Variants in MGAT4C observed in about 807,000 individuals in gnomAD.
MGAT4C encodes alpha-1,3-mannosyl-glycoprotein 4-beta-N-acetylglucosaminyltransferase C.
Under a neutral mutation model 40.1 loss-of-function variants are expected in MGAT4C, and 19 were observed. The observed-to-expected ratio is 0.47, with a 90% CI of 0.33 to 0.70. MGAT4C has a LOEUF of 0.70. Among genes scored for constraint, MGAT4C ranks in the 30% least tolerant of loss-of-function variants. The pLI, the probability that MGAT4C is intolerant of heterozygous loss-of-function variation, is 0.02. For synonymous variants in MGAT4C, 181 were observed against 187.1 expected (o/e 0.97, Z 0.27); for missense variants, 491 against 563.2 (o/e 0.87, Z 1.30).
intron 4 of MGAT4C, among the ~76,000 whole-genome samples, chr12:86,329,260 T>G (rs996558946): frequency 1.3e-5 from 2 of 150,214 alleles, no homozygotes; most frequent in African/African-American, 4.9e-5. Flanking sequence ...ATAGAAAAAT[T>G]TGGCCGGGCG....
At chr12:86,227,798 T>C (rs1951154655) in intron 1 of MGAT4C, among the ~76,000 whole-genome samples, 1 of 151,996 alleles carries the variant, frequency 6.6e-6, no homozygotes, top group Middle Eastern at 3.4e-3. Flanking sequence ...TTTGTGTCTA[T>C]GATGGCAGAA....
At chr12:86,802,870 C>T (rs1952259402) in intron 1 of MGAT4C, among the ~76,000 whole-genome samples, 1 of 141,934 alleles carries the variant, frequency 7.0e-6, no homozygotes, top group Non-Finnish European at 1.5e-5. Flanking sequence ...ATGCCATCCC[C>T]ATCAAGCTAC....
intron 4 of MGAT4C, among the ~76,000 whole-genome samples, chr12:86,295,105 A>G (rs1953628431): frequency 6.6e-6 from 1 of 152,092 alleles, no homozygotes; most frequent in Non-Finnish European, 1.5e-5. Flanking sequence ...AAATCCCTTA[A>G]CTACTTATTA....
intron 1 of MGAT4C, among the ~76,000 whole-genome samples, chr12:86,781,142 TATA>T (rs1951833753): frequency 6.6e-6 from 1 of 152,120 alleles, no homozygotes; most frequent in African/African-American, 2.4e-5. Context: ...TTTTTTTATA[TATA>T]ATAATTGATT....
chr12:86,339,555 G>A (rs1224354584), intron 3 of MGAT4C, among the ~76,000 whole-genome samples: 7 of 152,016 alleles, frequency 4.6e-5, no homozygotes, highest in African/African-American at 7.2e-5. Flanking sequence ...TCTTCTAAAT[G>A]TCTTTGTATT....
chr12:86,775,120 CA>C (rs1951729493), intron 1 of MGAT4C, among the ~76,000 whole-genome samples: 1 of 152,256 alleles, frequency 6.6e-6, no homozygotes, highest in African/African-American at 2.4e-5. Context: ...ATAGACATTG[CA>C]ACTGATTGTT....
intron 2 of MGAT4C, among the ~76,000 whole-genome samples, chr12:86,611,057 G>A (rs1320610636): frequency 1.3e-5 from 2 of 151,626 alleles, no homozygotes; most frequent in African/African-American, 2.4e-5. Flanking sequence ...GTATAGTCTC[G>A]GTGTGAACAT....
chr12:86,639,447 CA>C (rs765567773), intron 2 of MGAT4C, among the ~76,000 whole-genome samples: 3 of 151,546 alleles, frequency 2.0e-5, no homozygotes, highest in Non-Finnish European at 3.0e-5. Flanking sequence ...GCCTGAATTA[CA>C]AGGTAAATTT....
intron 1 of MGAT4C, among the ~76,000 whole-genome samples, chr12:86,746,399 A>G (rs1407574803): frequency 6.6e-6 from 1 of 151,532 alleles, no homozygotes; most frequent in Admixed American, 6.6e-5. Flanking sequence ...TCAGGAGACC[A>G]CAAGTATAAT....
At chr12:86,680,703 T>C (rs937112415) in intron 2 of MGAT4C, among the ~76,000 whole-genome samples, 14 of 152,182 alleles carry the variant, frequency 9.2e-5, no homozygotes, top group Admixed American at 7.2e-4. Context: ...TGGAAGAAAT[T>C]GCATTCCTTG....
At chr12:86,702,185 C>T (rs1374276064) in intron 2 of MGAT4C, among the ~76,000 whole-genome samples, 1 of 151,114 alleles carries the variant, frequency 6.6e-6, no homozygotes, top group Non-Finnish European at 1.5e-5. Flanking sequence ...CAAGTGCATG[C>T]CACCACACCC....
At chr12:86,776,341 G>A (rs1173538803) in intron 1 of MGAT4C, among the ~76,000 whole-genome samples, 1 of 151,964 alleles carries the variant, frequency 6.6e-6, no homozygotes, top group Non-Finnish European at 1.5e-5. Flanking sequence ...AAAACTTAAA[G>A]ATGAATTAGA....
chr12:86,134,486 C>T (rs560716369), intron 1 of MGAT4C, among the ~76,000 whole-genome samples: 37 of 151,978 alleles, frequency 2.4e-4, no homozygotes, highest in Non-Finnish European at 2.8e-4. Flanking sequence ...AATTTAAGGA[C>T]CACCCTTCAT....
At chr12:86,070,634 G>C (rs888320602) in intron 1 of MGAT4C, among the ~76,000 whole-genome samples, 2 of 151,992 alleles carry the variant, frequency 1.3e-5, no homozygotes, top group African/African-American at 4.8e-5. Flanking sequence ...TATTTTTAAT[G>C]AGCTGGGATT....
intron 1 of MGAT4C, among the ~76,000 whole-genome samples, chr12:86,063,869 C>T (rs1310761224): frequency 6.6e-6 from 1 of 152,218 alleles, no homozygotes; most frequent in Non-Finnish European, 1.5e-5. Context: ...AATATATATG[C>T]ACCCGTGCAG....
chr12:86,536,495 G>A (rs1959070927), intron 2 of MGAT4C, among the ~76,000 whole-genome samples: 1 of 152,092 alleles, frequency 6.6e-6, no homozygotes, highest in Non-Finnish European at 1.5e-5. Context: ...CTTCAGTTAA[G>A]GGGATTCATT....
In MGAT4C at chr12:86,266,240, C is replaced by A. The variant is rs992471683; in HGVS notation, c.-57+67825G>T. 1.3e-5 allele frequency among the ~76,000 whole-genome samples: 2 copies of A among 152,242 alleles called. 1 individual carries two copies. Among genetic ancestry groups the A allele is most frequent in the Middle Eastern group, 6.8e-3 (2 of 294 alleles). ...CAGTTCTTAGGGGAAGTGCTTTCAA[C>A]TTTTCCTAATTCAGTATGATATTGG... On this transcript the variant is annotated intron_variant, in intron 4 of 7. Coordinates refer to the MGAT4C transcript ENST00000548651.
At chr12:86,423,874 G>C (rs1282361612) in intron 3 of MGAT4C, among the ~76,000 whole-genome samples, 1 of 152,140 alleles carries the variant, frequency 6.6e-6, no homozygotes, top group Non-Finnish European at 1.5e-5. Context: ...TCTATTTAGA[G>C]CCATACCCAT....
rs536511646 is a variant in MGAT4C, at chr12:86,208,928, C to T, written c.-57+47311G>A. ...AAAGGACCTATACATTCGCTACTTA[C>T]TTCTCTAATAACTTTATGTCTTAGT... On this transcript the variant is annotated intron_variant, in intron 1 of 4. Transcript: ENST00000611864. Among the ~76,000 whole-genome samples the T allele has an allele frequency of 5.3e-5, 8 of 152,224 alleles. No homozygotes were observed. The South Asian group carries it at 6.2e-4, about 12-fold the overall frequency.
Sources: allele counts gnomAD v4.1 joint callset (sites outside exome capture counted in the v4.1 genomes callset), GRCh38; gene constraint gnomAD v4.1.1; transcripts MANE v1.5; gene names NCBI Gene and HGNC (gene_info 2026-07-23, HGNC 2026-07-21).